The following ERFL variants were observed in gnomAD, a reference collection of about 807,000 sequenced individuals.
ERFL encodes the protein ETS repressor factor like.
In ERFL, 8 loss-of-function variants were observed where a neutral mutation model predicts 27.9. The observed-to-expected ratio is 0.29, with a 90% CI of 0.17 to 0.52. The LOEUF is 0.52. ERFL is among the 20% of genes least tolerant of loss of function. The pLI is 0.97. For synonymous variants in ERFL, 174 were observed against 202.8 expected, an observed-to-expected ratio of 0.86 and a Z score of 1.21; for missense variants, 294 against 444.4, an observed-to-expected ratio of 0.66 and a Z score of 3.04.
Position 41,909,100 on chromosome 19 carries a change from A to G in ERFL, c.576T>C (p.Asp192=), listed in dbSNP as rs1477141577. The G allele has an allele frequency of 2.4e-6, 3 of 1,231,404 alleles. No homozygotes were observed. The highest frequency in any genetic ancestry group is 3.0e-6 in the Non-Finnish European group (3 of 987,994). 76.3% of individuals were successfully genotyped at this position (1,231,404 alleles called of 1,614,324 possible). Reference sequence around the variant, plus strand: ...GGAAAGGGCTGTCCAGACGCAATTTATCTGTCTCGGAGGTGAACAGGGGTG... The same window carrying G: ...GGAAAGGGCTGTCCAGACGCAATTTGTCTGTCTCGGAGGTGAACAGGGGTG... ...ARTPLFTSET[D]KLRLDSPFPF... The change falls in exon 5 of 6, where the codon GAT becomes GAC. Residue 192 remains aspartate, a synonymous_variant. Coordinates refer to ENST00000597630, the MANE Select transcript of ERFL (RefSeq NM_001365103.2). This position sits in a 1 kb window ranked among gnomAD's most constrained non-coding sequence, Gnocchi z 5.2.
chr19:41,921,097 C>T lies in ERFL; in HGVS notation c.-14+6943G>A, dbSNP rs544044561. Among the ~76,000 whole-genome samples, 1 of 152,134 alleles carries T rather than the reference C, an allele frequency of 6.6e-6. No individual in the cohort carries two copies. The highest frequency in any genetic ancestry group is 1.5e-5 in the Non-Finnish European group (1 of 68,010). ...GGGAGGTGGGAGCCGCAGTGCCACG[C>T]ACCCCGCCTACCAAACAGCTCTGGG... On this transcript the variant is annotated intron_variant, in intron 1 of 5. Transcript: ENST00000597630. The surrounding 1 kb of genome is among the most constrained non-coding windows in gnomAD (Gnocchi z 4.4).
At chr19:41,926,746 G>C (rs1265241181) in intron 1 of ERFL, among the ~76,000 whole-genome samples, 1 of 152,164 alleles carries the variant, frequency 6.6e-6, no homozygotes, top group Non-Finnish European at 1.5e-5. Context: ...CCGTTTAGCC[G>C]TGATAGATCC....
chr19:41,922,999 G>A, intron 1 of ERFL: 1 of 376,114 alleles, frequency 2.7e-6, no homozygotes, highest in South Asian at 2.0e-5. Context: ...GGGAATGTGA[G>A]GGGCAGCCTA....
At chr19:41,915,782 G>A (rs782458798) in intron 1 of ERFL, among the ~76,000 whole-genome samples, 29 of 152,070 alleles carry the variant, frequency 1.9e-4, no homozygotes, top group Non-Finnish European at 1.9e-4. Context: ...CGCCCCCCTG[G>A]CCCCATTGAT....
intron 1 of ERFL, among the ~76,000 whole-genome samples, chr19:41,926,570 G>A (rs1403779280): frequency 1.3e-5 from 2 of 152,144 alleles, no homozygotes; most frequent in African/African-American, 4.8e-5. Flanking sequence ...TGGCTCTCGG[G>A]TCCCTCCCGT....
At chr19:41,913,123 G>C (rs2074763941) in intron 1 of ERFL, among the ~76,000 whole-genome samples, 191 bp from the exon 2 acceptor site, 1 of 149,496 alleles carries the variant, frequency 6.7e-6, no homozygotes, top group Non-Finnish European at 1.5e-5. Flanking sequence ...TCCCGGCCCC[G>C]AGACCCCGTT....
chr19:41,924,811 G>A (rs782665611), intron 1 of ERFL, among the ~76,000 whole-genome samples: 2 of 152,140 alleles, frequency 1.3e-5, no homozygotes, highest in Admixed American at 6.5e-5. Flanking sequence ...TCAGAGACAC[G>A]TGCTAGGAAA....
In ERFL at chr19:41,909,050, AG is replaced by A; in HGVS notation, c.616+9del. ...GTGCCCCCAGCACCCCAGAACCTCC[AG>A]GCTCTTACCAGAGCCCAGGAATGGG... On this transcript the variant is annotated intron_variant, in intron 5 of 5. Transcript: ENST00000597630. The surrounding 1 kb of genome is among the most constrained non-coding windows in gnomAD (Gnocchi z 5.2). 16 of 1,217,956 alleles carry A rather than the reference AG, an allele frequency of 1.3e-5. No homozygotes were observed. Among genetic ancestry groups the A allele is most frequent in the Non-Finnish European group, 1.6e-5 (16 of 976,098 alleles). The allele number at this position is 1,217,956 out of a possible 1,614,324, so 75.4% of individuals were successfully genotyped here.
chr19:41,917,414 C>T lies in ERFL; in HGVS notation c.-13-4482G>A, dbSNP rs781946964. ...TTTGATTTCTCTAAGCTGCGCCGGC[C>T]GCCTCGGGAGCCGCCTCGGGCCTCG... On this transcript the variant is annotated intron_variant, in intron 1 of 5. Transcript: ENST00000597630. This position sits in a 1 kb window ranked among gnomAD's most constrained non-coding sequence, Gnocchi z 4.8. Among the ~76,000 whole-genome samples, 4 of 152,046 alleles carry T rather than the reference C, an allele frequency of 2.6e-5. No homozygotes were observed. Among genetic ancestry groups the T allele is most frequent in the East Asian group, 1.9e-4 (1 of 5,176 alleles).
In ERFL at chr19:41,910,023, T is replaced by TAA. The variant is rs2074743536; in HGVS notation, c.140_141dup (p.Ile48LeufsTer15). ...TCCTCCTTCTGCAGCAGCTCCAGGA[T>TAA]AAAGTGCCACAGCTGGATCTGCCTC... On this transcript the variant is annotated frameshift_variant, in exon 3 of 6. Transcript: ENST00000597630. LOFTEE classifies it high-confidence loss of function. This position sits in a 1 kb window ranked among gnomAD's most constrained non-coding sequence, Gnocchi z 4.4. 4 of 1,613,534 alleles carry TAA rather than the reference T, an allele frequency of 2.5e-6. No individual in the cohort carries two copies.
At chr19:41,918,391 TACAC>T (rs2074815396) in intron 1 of ERFL, among the ~76,000 whole-genome samples, 3 of 130,402 alleles carry the variant, frequency 2.3e-5, no homozygotes, top group Non-Finnish European at 4.9e-5. Flanking sequence ...ATACACCACA[TACAC>T]ATACCATATC....
intron 1 of ERFL, among the ~76,000 whole-genome samples, chr19:41,919,114 C>A (rs782756581): frequency 2.0e-5 from 3 of 151,536 alleles, no homozygotes; most frequent in Non-Finnish European, 4.4e-5. Flanking sequence ...AACACACATA[C>A]CACACACATC....
rs908767299 is a variant in ERFL at position 41,916,597 on chromosome 19, C to T, written c.-13-3665G>A. 1.1e-4 allele frequency among the ~76,000 whole-genome samples: 17 copies of T among 152,098 alleles called. No homozygotes were observed. Among genetic ancestry groups the T allele is most frequent in the Non-Finnish European group, 2.4e-4 (16 of 68,026 alleles). On this transcript the variant is annotated intron_variant, in intron 1 of 5. Transcript: ENST00000597630. The surrounding 1 kb of genome is among the most constrained non-coding windows in gnomAD (Gnocchi z 5.4). Reference sequence around the variant, plus strand: ...TGAGGCTCACAATCAAATACAGAAACCCAGATTCCCAAGCACACAATCGCA... The same window carrying T: ...TGAGGCTCACAATCAAATACAGAAATCCAGATTCCCAAGCACACAATCGCA...
At chr19:41,920,526 CATG>C (rs1475163493) in intron 1 of ERFL, among the ~76,000 whole-genome samples, 2 of 151,410 alleles carry the variant, frequency 1.3e-5, no homozygotes, top group South Asian at 2.2e-4. Flanking sequence ...CGCTCACAGA[CATG>C]ATGCACTCAC....
chr19:41,920,903 CT>C (rs1457695945), intron 1 of ERFL, among the ~76,000 whole-genome samples: 3 of 152,206 alleles, frequency 2.0e-5, no homozygotes, highest in East Asian at 1.9e-4. Flanking sequence ...CCACACCCCC[CT>C]CCCTCTGTCT....
rs2145880320 is a variant in ERFL, at chr19:41,909,251, C to T, written c.498+25G>A. 1 of 1,232,338 alleles carries T rather than the reference C, an allele frequency of 8.1e-7. No individual in the cohort carries two copies. Among genetic ancestry groups the T allele is most frequent in the East Asian group, 3.2e-5 (1 of 31,704 alleles). 76.3% of individuals were successfully genotyped at this position (1,232,338 alleles called of 1,614,324 possible). ...AGAGTGGGCACCAAGTGCCTCGGTT[C>T]CAGGACCCCAGTACCCAGACTCACC... On this transcript the variant is annotated intron_variant, in intron 4 of 5. Coordinates refer to ENST00000597630, the MANE Select transcript of ERFL (RefSeq NM_001365103.2). This position sits in a 1 kb window ranked among gnomAD's most constrained non-coding sequence, Gnocchi z 5.2.
rs527807689 is a variant in ERFL at position 41,922,175 on chromosome 19, C to T, written c.-14+5865G>A. ...CCCAGAGACCCAGAGTCCTTCTAGA[C>T]GGCAACCACCAAGGGCCAGGGCTCA... On this transcript the variant is annotated intron_variant, in intron 1 of 5. Coordinates refer to ENST00000597630, the MANE Select transcript of ERFL (RefSeq NM_001365103.2). Among the ~76,000 whole-genome samples, 13 of 152,152 alleles carry T rather than the reference C, an allele frequency of 8.5e-5. No homozygotes were observed. The South Asian group carries it at 1.7e-3, about 20-fold the overall frequency.
chr19:41,918,581 C>G (rs1352332246), intron 1 of ERFL, among the ~76,000 whole-genome samples: 7 of 149,370 alleles, frequency 4.7e-5, no homozygotes, highest in African/African-American at 1.7e-4. Flanking sequence ...ACACCACACA[C>G]AGTACATACA....
rs2074801790 is a variant in ERFL at position 41,916,356 on chromosome 19, C to G, written c.-13-3424G>C. 6.6e-6 allele frequency among the ~76,000 whole-genome samples: 1 copy of G among 152,126 alleles called. No individual in the cohort carries two copies. Among genetic ancestry groups the G allele is most frequent in the South Asian group, 2.1e-4 (1 of 4,822 alleles). On this transcript the variant is annotated intron_variant, in intron 1 of 5. Transcript: ENST00000597630. This position sits in a 1 kb window ranked among gnomAD's most constrained non-coding sequence, Gnocchi z 5.4. ...AAAGCAACGCATACCACTGCTGCCA[C>G]ACACAACCCACATCACACAGATGCA... is the stretch of plus-strand genomic sequence containing the variant.
Sources: gnomAD v4.1 joint callset for allele counts (sites outside exome capture counted in the v4.1 genomes callset) on GRCh38, gnomAD v4.1.1 for gene constraint, Gnocchi (gnomAD v3.1) non-coding constraint, MANE v1.5 for transcripts, NCBI Gene and HGNC (gene_info 2026-07-23, HGNC 2026-07-21) for gene names.